The following CCDC149 variants were observed in gnomAD, a reference collection of about 807,000 sequenced individuals.
CCDC149 encodes coiled-coil domain containing 149, also known as coiled-coil domain-containing protein 149.
A neutral mutation model predicts 59.9 loss-of-function variants in CCDC149; 45 were observed. The observed-to-expected ratio is 0.75, with a 90% CI of 0.59 to 0.96. The LOEUF (loss-of-function observed/expected upper bound fraction) is 0.96, where lower values mean the gene tolerates loss of function less well. CCDC149 is among the 40% of genes least tolerant of loss of function. The pLI, the probability that CCDC149 is intolerant of heterozygous loss-of-function variation, is 0.00. For synonymous variants in CCDC149, 245 were observed against 260.6 expected, an observed-to-expected ratio of 0.94 and a Z score of 0.58; for missense variants, 584 against 664.7, an observed-to-expected ratio of 0.88 and a Z score of 1.33.
intron 3 of CCDC149, among the ~76,000 whole-genome samples, chr4:24,861,739 G>T (rs945607180): frequency 6.6e-6 from 1 of 152,102 alleles, no homozygotes; most frequent in South Asian, 2.1e-4. Flanking sequence ...TTCAATGATC[G>T]AATATTTGAC....
chr4:24,951,599 G>A (rs985151268), intron 1 of CCDC149, among the ~76,000 whole-genome samples: 1 of 152,074 alleles, frequency 6.6e-6, no homozygotes, highest in Admixed American at 6.5e-5. Flanking sequence ...CAGAAAAGAA[G>A]GGAAAAGCTG....
intron 1 of CCDC149, among the ~76,000 whole-genome samples, chr4:24,925,339 A>G (rs1041047289): frequency 2.0e-4 from 31 of 152,286 alleles, no homozygotes; most frequent in African/African-American, 6.3e-4. Context: ...TTCATTTTCC[A>G]TAAGAAATAC....
chr4:24,841,040 T>A (rs1420989554), intron 4 of CCDC149, among the ~76,000 whole-genome samples: 1 of 152,114 alleles, frequency 6.6e-6, no homozygotes, highest in Non-Finnish European at 1.5e-5. Flanking sequence ...ATGCAAAAAC[T>A]CTATCACATC....
At chr4:24,960,310 T>C (rs540034896) in intron 1 of CCDC149, among the ~76,000 whole-genome samples, 1 of 152,298 alleles carries the variant, frequency 6.6e-6, no homozygotes, top group South Asian at 2.1e-4. Flanking sequence ...CTATAAATCT[T>C]TGTTTTGTTG....
At chr4:24,820,257 G>A in intron 11 of CCDC149, 1 of 340,606 alleles carries the variant, frequency 2.9e-6, no homozygotes, top group Non-Finnish European at 5.4e-6. Context: ...TATTCATCTT[G>A]CTTCCCTAAG....
intron 1 of CCDC149, among the ~76,000 whole-genome samples, chr4:24,885,212 G>A (rs538538952): frequency 1.6e-4 from 24 of 152,306 alleles, no homozygotes; most frequent in African/African-American, 5.5e-4. Context: ...GCAGTCAGGA[G>A]CTCCGAGGGG....
intron 12 of CCDC149, among the ~76,000 whole-genome samples, chr4:24,810,321 G>T (rs1212136886): frequency 6.6e-6 from 1 of 152,168 alleles, no homozygotes; most frequent in East Asian, 1.9e-4. Flanking sequence ...ATAAATGGAA[G>T]TATAATATAC....
At position 24,808,639 on chromosome 4, in the gene CCDC149, C is replaced by T; in HGVS notation, c.1373G>A (p.Gly458Glu). 6.4e-7 allele frequency: 1 copy of T among 1,552,380 alleles called. No homozygotes were observed. Among genetic ancestry groups the T allele is most frequent in the Non-Finnish European group, 8.7e-7 (1 of 1,147,142 alleles). The stretch of plus-strand genomic sequence containing the variant: ...CTTTGTCAGTTTAATTATTTCCCTC[C>T]CAAGGCTGTTTACTTCTTCCTCAGA... The change falls in exon 13 of 13, where the codon GGG (glycine) becomes GAG (glutamate). Residue 458 changes from glycine to glutamate, a missense_variant. By Grantham distance (98) the Gly-to-Glu change is moderately conservative. Transcript: ENST00000635206.
intron 1 of CCDC149, among the ~76,000 whole-genome samples, chr4:24,931,279 A>C (rs1722577818): frequency 6.9e-6 from 1 of 145,110 alleles, no homozygotes; most frequent in African/African-American, 2.6e-5. Flanking sequence ...GTGTATGTAT[A>C]TGTGTATTTA....
At chr4:24,821,006 T>C (rs922965758) in intron 11 of CCDC149, 49 bp downstream of exon 11, 17 of 1,084,180 alleles carry the variant, frequency 1.6e-5, no homozygotes, top group East Asian at 3.2e-5. Flanking sequence ...GATGACATAA[T>C]ACACTGCTGA....
At chr4:24,840,278 GAAC>G (rs1400084461) in intron 4 of CCDC149, among the ~76,000 whole-genome samples, 1 of 152,200 alleles carries the variant, frequency 6.6e-6, no homozygotes, top group Non-Finnish European at 1.5e-5. Context: ...CAGGCAGGTG[GAAC>G]AGACCGTGCA....
intron 1 of CCDC149, among the ~76,000 whole-genome samples, chr4:24,918,288 A>G (rs1253366892): frequency 6.6e-6 from 1 of 152,190 alleles, no homozygotes; most frequent in African/African-American, 2.4e-5. Flanking sequence ...GGGAAAAAAA[A>G]CAAAGAAAAC....
intron 1 of CCDC149, among the ~76,000 whole-genome samples, chr4:24,932,281 A>T (rs1722618259): frequency 1.3e-5 from 2 of 152,272 alleles, no homozygotes; most frequent in South Asian, 4.2e-4. Flanking sequence ...TCTTCAACAG[A>T]TCTGATCTTT....
At chr4:24,872,196 T>C (rs901126234) in intron 3 of CCDC149, among the ~76,000 whole-genome samples, 3 of 152,334 alleles carry the variant, frequency 2.0e-5, no homozygotes, top group South Asian at 2.1e-4. Flanking sequence ...TCCACATATA[T>C]ATAAGGATTT....
At chr4:24,805,766 A>AAC (rs914825310), downstream of CCDC149, among the ~76,000 whole-genome samples, 17 of 151,936 alleles carry the variant, frequency 1.1e-4, no homozygotes, top group East Asian at 7.7e-4. Context: ...TCGCTCTTGA[A>AAC]ACACACACAC....
rs561110035 is a variant in CCDC149 at position 24,941,509 on chromosome 4, A to G, written c.-65+38560T>C. ...GAACTAGGGAAGCAAGAGCAAACAC[A>G]TTCAAAAGCTAGCAGAAGGCAAGAA... On this transcript the variant is annotated intron_variant, in intron 1 of 12. Coordinates refer to the CCDC149 transcript ENST00000389609. 2.6e-5 allele frequency among the ~76,000 whole-genome samples: 4 copies of G among 152,324 alleles called. No individual in the cohort carries two copies. In the South Asian group the frequency reaches 8.3e-4, roughly 32 times the overall value.
At chr4:24,883,406 G>T (rs1235961909) in intron 1 of CCDC149, among the ~76,000 whole-genome samples, 1 of 111,514 alleles carries the variant, frequency 9.0e-6, no homozygotes, top group Non-Finnish European at 2.1e-5. Flanking sequence ...AGCCACTCTG[G>T]ACACTTACCC....
At chr4:24,949,308 A>G (rs1723207121) in intron 1 of CCDC149, among the ~76,000 whole-genome samples, 1 of 152,132 alleles carries the variant, frequency 6.6e-6, no homozygotes, top group Admixed American at 6.5e-5. Flanking sequence ...CCCTGAATGT[A>G]GCTGGGGCTT....
intron 1 of CCDC149, among the ~76,000 whole-genome samples, chr4:24,878,927 A>T (rs1377264884): frequency 1.3e-5 from 2 of 152,202 alleles, no homozygotes. Flanking sequence ...AGGGCCATGA[A>T]AGCTGTGAAG....
Sources: gnomAD v4.1 joint callset for allele counts (sites outside exome capture counted in the v4.1 genomes callset) on GRCh38, gnomAD v4.1.1 for gene constraint, MANE v1.5 for transcripts, NCBI Gene and HGNC (gene_info 2026-07-23, HGNC 2026-07-21) for gene names.